TTC36: variants seen among roughly 807,000 people sequenced by gnomAD.
TTC36 encodes tetratricopeptide repeat domain 36, also known as tetratricopeptide repeat protein 36.
In TTC36, 15 loss-of-function variants were observed where a neutral mutation model predicts 17.5. That is an observed-to-expected ratio of 0.86 (90% CI 0.57 to 1.32). The LOEUF is 1.32. Ranked by LOEUF, TTC36 falls within the 40% of genes most tolerant of loss-of-function variation. The pLI is 0.00. For synonymous variants in TTC36, 112 were observed against 109.8 expected (o/e 1.02, Z -0.13); for missense variants, 292 against 260.9 (o/e 1.12, Z -0.82).
At position 118,527,519 on chromosome 11, in the gene TTC36, G is replaced by T; in HGVS notation, c.25G>T (p.Val9Leu). MGTPNDQA[V>L]LQAIFNPDTP... ...CATGGGGACTCCAAATGATCAGGCAGTGCTGCAGGCCATCTTCAACCCTGA... is the reference window on the plus strand; with the variant it reads ...CATGGGGACTCCAAATGATCAGGCATTGCTGCAGGCCATCTTCAACCCTGA... The change falls in exon 1 of 3, where the codon GTG becomes TTG. Residue 9 changes from valine to leucine, a missense_variant. Val to Leu is a conservative substitution (Grantham distance 32). Coordinates refer to ENST00000302783, the MANE Select transcript of TTC36 (RefSeq NM_001080441.4). 1.9e-6 allele frequency: 3 copies of T among 1,614,118 alleles called. No individual in the cohort carries two copies. The highest frequency in any genetic ancestry group is 2.5e-6 in the Non-Finnish European group (3 of 1,179,972).
Position 118,528,724 on chromosome 11 carries a change from G to A in TTC36, c.240G>A (p.Leu80=). The A allele has an allele frequency of 6.2e-7, 1 of 1,613,400 alleles. No homozygotes were observed. Residue 80 remains leucine, a synonymous_variant, in exon 2 of 3, where the codon CTG becomes CTA. Coordinates refer to ENST00000302783, the MANE Select transcript of TTC36 (RefSeq NM_001080441.4). The stretch of plus-strand genomic sequence containing the variant: ...AGAGGTTTGGCCAAGCCATCTGCCT[G>A]CTGCCTGAGAGGGCTTCAGCCTACA... ...ALERFGQAIC[L]LPERASAYNN... is the part of the protein sequence containing the mutation.
At chr11:118,528,878 CT>C in intron 2 of TTC36, 87 bp downstream of exon 2, 1 of 1,264,252 alleles carries the variant, frequency 7.9e-7, no homozygotes, top group South Asian at 1.7e-5. Flanking sequence ...CTGGGGTGGC[CT>C]TGCTAAACCC....
At position 118,530,041 on chromosome 11, in the gene TTC36, G is replaced by A. The variant is rs2135335274; in HGVS notation, c.308-613G>A. Among the ~76,000 whole-genome samples, 1 of 152,256 alleles carries A rather than the reference G, an allele frequency of 6.6e-6. No individual in the cohort carries two copies. The highest frequency in any genetic ancestry group is 1.9e-4 in the East Asian group (1 of 5,192). ...AGGCCAGCTCTGGCTCCAGGACCAA[G>A]GAAATTAGATACATGGAGATAACCA... On this transcript the variant is annotated intron_variant, in intron 2 of 2. Transcript: ENST00000302783. The surrounding 1 kb of genome is among the most constrained non-coding windows in gnomAD (Gnocchi z 5.8).
At chr11:118,529,899 C>T (rs1268037526) in intron 2 of TTC36, among the ~76,000 whole-genome samples, 1 of 152,196 alleles carries the variant, frequency 6.6e-6, no homozygotes, top group Non-Finnish European at 1.5e-5. Flanking sequence ...AAGCAGAGCC[C>T]GAAAGAAGCC....
chr11:118,530,567 C>A lies in TTC36; in HGVS notation c.308-87C>A. ...CGGGAGCCGCAAGAACCACGGTGAT[C>A]CGCGCGGCCGCAGGTGGGCTGGGGC... On this transcript the variant is annotated intron_variant, in intron 2 of 2. Transcript: ENST00000302783. This position sits in a 1 kb window ranked among gnomAD's most constrained non-coding sequence, Gnocchi z 5.8. The A allele has an allele frequency of 1.5e-6, 2 of 1,330,756 alleles. No individual in the cohort carries two copies. The highest frequency in any genetic ancestry group is 3.9e-5 in the South Asian group (2 of 51,338). The allele number at this position is 1,330,756 out of a possible 1,614,324, so 82.4% of individuals were successfully genotyped here.
At chr11:118,529,630 G>A (rs1555056799) in intron 2 of TTC36, among the ~76,000 whole-genome samples, 1 of 152,234 alleles carries the variant, frequency 6.6e-6, no homozygotes, top group African/African-American at 2.4e-5. Context: ...GGTGCTCCCA[G>A]AACCAGCAAT....
chr11:118,530,344 A>G lies in TTC36; in HGVS notation c.308-310A>G, dbSNP rs1452406690. 6.6e-6 allele frequency among the ~76,000 whole-genome samples: 1 copy of G among 152,264 alleles called. No homozygotes were observed. Among genetic ancestry groups the G allele is most frequent in the Non-Finnish European group, 1.5e-5 (1 of 68,050 alleles). ...AGACTCATAAACATAGTGGCCATTC[A>G]GAATCCTGCAACGTTCATGTTTTCG... is the stretch of plus-strand genomic sequence containing the variant. On this transcript the variant is annotated intron_variant, in intron 2 of 2. Transcript: ENST00000302783. The surrounding 1 kb of genome is among the most constrained non-coding windows in gnomAD (Gnocchi z 5.8).
At position 118,527,561 on chromosome 11, in the gene TTC36, A is replaced by G; in HGVS notation, c.67A>G (p.Ile23Val). 7 of 1,614,172 alleles carry G rather than the reference A, an allele frequency of 4.3e-6. No individual in the cohort carries two copies. The highest frequency in any genetic ancestry group is 1.1e-5 in the South Asian group (1 of 91,090). The change falls in exon 1 of 3, where the codon ATT becomes GTT. Residue 23 changes from isoleucine to valine, a missense_variant. Physicochemically the swap from Ile to Val is conservative, Grantham distance 29 (BLOSUM62 3). Transcript: ENST00000302783. ...CAACCCTGACACCCCATTTGGAGACATTGTTGGATTGGACCTCGGAGAGGA... is the reference window on the plus strand; with the variant it reads ...CAACCCTGACACCCCATTTGGAGACGTTGTTGGATTGGACCTCGGAGAGGA... Reference protein sequence around the residue: ...IFNPDTPFGDIVGLDLGEEAE... With the variant: ...IFNPDTPFGDVVGLDLGEEAE...
chr11:118,530,687 T>G lies in TTC36; in HGVS notation c.341T>G (p.Leu114Arg), dbSNP rs1555057313. The G allele has an allele frequency of 8.1e-6, 12 of 1,475,502 alleles. No individual in the cohort carries two copies. The highest frequency in any genetic ancestry group is 3.6e-6 in the Non-Finnish European group (4 of 1,122,212). The allele number at this position is 1,475,502 out of a possible 1,614,324, so 91.4% of individuals were successfully genotyped here. A position where few individuals can be genotyped will look rare whatever the true frequency, so the allele number is the denominator to read the frequency against. ...ALEDLERAVE[L>R]SGGRGRAARQ... ...GAGGATCTGGAACGCGCGGTGGAGC[T>G]GAGCGGCGGCCGGGGCCGCGCCGCC... The change falls in exon 3 of 3, where the codon CTG (leucine) becomes CGG (arginine). Residue 114 changes from leucine (L) to arginine (R), a missense_variant. Physicochemically the swap from Leu to Arg is moderately radical, Grantham distance 102. Transcript: ENST00000302783. This position sits in a 1 kb window ranked among gnomAD's most constrained non-coding sequence, Gnocchi z 5.8.
rs113565497 is a variant in TTC36 at position 118,528,833 on chromosome 11, G to A, written c.307+42G>A. 5.5e-4 allele frequency: 842 copies of A among 1,541,288 alleles called. 6 individuals carry two copies. The African/African-American group carries it at 8.5e-3, about 16-fold the overall frequency. On this transcript the variant is annotated intron_variant, in intron 2 of 2. Transcript: ENST00000302783. ...TGTATCCTCTGCAAAAGGGCCCACG[G>A]GAGGGCACAGACCAGAACTGAAGTG... is the stretch of plus-strand genomic sequence containing the variant.
chr11:118,530,660 T>C lies in TTC36; in HGVS notation c.314T>C (p.Leu105Pro). 6.8e-7 allele frequency: 1 copy of C among 1,464,834 alleles called. No homozygotes were observed. The allele number at this position is 1,464,834 out of a possible 1,614,324, so 90.7% of individuals were successfully genotyped here. A position where few individuals can be genotyped will look rare whatever the true frequency, so the allele number is the denominator to read the frequency against. The change falls in exon 3 of 3, where the codon CTG becomes CCG. Residue 105 changes from leucine to proline, a missense_variant. Physicochemically the swap from Leu to Pro is moderately conservative, Grantham distance 98 (BLOSUM62 -3). Coordinates refer to ENST00000302783, the MANE Select transcript of TTC36 (RefSeq NM_001080441.4). This position sits in a 1 kb window ranked among gnomAD's most constrained non-coding sequence, Gnocchi z 5.8. ...CGTCTCGTCGGTCCCGCAGGCGCCCTGGAGGATCTGGAACGCGCGGTGGAG... is the reference window on the plus strand; with the variant it reads ...CGTCTCGTCGGTCCCGCAGGCGCCCCGGAGGATCTGGAACGCGCGGTGGAG... ...RRLQGDVAGA[L>P]EDLERAVELS...
chr11:118,528,529 C>G (rs1347941785), intron 1 of TTC36, 74 bp from the exon 2 acceptor site: 8 of 1,452,114 alleles, frequency 5.5e-6, no homozygotes, highest in Non-Finnish European at 7.4e-6. Flanking sequence ...CTCAGAATTC[C>G]AAAGCCTGAG....
In TTC36 at chr11:118,530,589, G is replaced by A; in HGVS notation, c.308-65G>A. 1 of 1,356,246 alleles carries A rather than the reference G, an allele frequency of 7.4e-7. No homozygotes were observed. Among genetic ancestry groups the A allele is most frequent in the Non-Finnish European group, 9.4e-7 (1 of 1,064,702 alleles). 84.0% of individuals were successfully genotyped at this position (1,356,246 alleles called of 1,614,324 possible). A position where few individuals can be genotyped will look rare whatever the true frequency, so the allele number is the denominator to read the frequency against. On this transcript the variant is annotated intron_variant, in intron 2 of 2. Coordinates refer to ENST00000302783, the MANE Select transcript of TTC36 (RefSeq NM_001080441.4). This position sits in a 1 kb window ranked among gnomAD's most constrained non-coding sequence, Gnocchi z 5.8. ...GATCCGCGCGGCCGCAGGTGGGCTG[G>A]GGCTCGGGCAAGGCCGCCCTGGCCT...
In TTC36 at chr11:118,528,661, G is replaced by A. The variant is rs1382926836; in HGVS notation, c.177G>A (p.Val59=). 6.2e-7 allele frequency: 1 copy of A among 1,611,332 alleles called. No homozygotes were observed. The highest frequency in any genetic ancestry group is 1.3e-5 in the African/African-American group (1 of 75,044). Residue 59 remains valine (V), a synonymous_variant, in exon 2 of 3, where the codon GTG becomes GTA. Coordinates refer to ENST00000302783, the MANE Select transcript of TTC36 (RefSeq NM_001080441.4). ...EQSKALELQG[V]MAAEAGDLST... is the part of the protein sequence containing the mutation. Reference sequence around the variant, plus strand: ...CCAAGGCCCTGGAGCTGCAGGGGGTGATGGCAGCAGAGGCTGGGGACCTCA... The same window carrying A: ...CCAAGGCCCTGGAGCTGCAGGGGGTAATGGCAGCAGAGGCTGGGGACCTCA...
chr11:118,530,699 G>T lies in TTC36; in HGVS notation c.353G>T (p.Arg118Leu). Residue 118 changes from arginine to leucine, a missense_variant, in exon 3 of 3, where the codon CGG (arginine) becomes CTG (leucine). Coordinates refer to ENST00000302783, the MANE Select transcript of TTC36 (RefSeq NM_001080441.4). The surrounding 1 kb of genome is among the most constrained non-coding windows in gnomAD (Gnocchi z 5.8). ...CGCGCGGTGGAGCTGAGCGGCGGCCGGGGCCGCGCCGCCCGCCAGAGCTTT... is the reference window on the plus strand; with the variant it reads ...CGCGCGGTGGAGCTGAGCGGCGGCCTGGGCCGCGCCGCCCGCCAGAGCTTT... Reference protein sequence around the residue: ...LERAVELSGGRGRAARQSFVQ... With the variant: ...LERAVELSGGLGRAARQSFVQ... 3.4e-6 allele frequency: 5 copies of T among 1,477,416 alleles called. No homozygotes were observed. The South Asian group carries it at 6.4e-5, about 19-fold the overall frequency. The allele number at this position is 1,477,416 out of a possible 1,614,324, so 91.5% of individuals were successfully genotyped here. A position where few individuals can be genotyped will look rare whatever the true frequency, so the allele number is the denominator to read the frequency against.
Position 118,530,713 on chromosome 11 carries a change from C to T in TTC36, c.367C>T (p.Arg123Cys), listed in dbSNP as rs1951203835. 3.4e-6 allele frequency: 5 copies of T among 1,485,040 alleles called. No individual in the cohort carries two copies. Among genetic ancestry groups the T allele is most frequent in the Non-Finnish European group, 4.4e-6 (5 of 1,126,560 alleles). The allele number at this position is 1,485,040 out of a possible 1,614,324, so 92.0% of individuals were successfully genotyped here. The change falls in exon 3 of 3, where the codon CGC becomes TGC. Residue 123 changes from arginine to cysteine, a missense_variant. Coordinates refer to ENST00000302783, the MANE Select transcript of TTC36 (RefSeq NM_001080441.4). The surrounding 1 kb of genome is among the most constrained non-coding windows in gnomAD (Gnocchi z 5.8). The stretch of plus-strand genomic sequence containing the variant: ...GAGCGGCGGCCGGGGCCGCGCCGCC[C>T]GCCAGAGCTTTGTGCAGCGCGGACT... ...ELSGGRGRAA[R>C]QSFVQRGLLA...
chr11:118,530,622 C>CCCCCG lies in TTC36; in HGVS notation c.308-23_308-19dup, dbSNP rs1365485674. 3 of 1,401,468 alleles carry CCCCCG rather than the reference C, an allele frequency of 2.1e-6. No homozygotes were observed. The highest frequency in any genetic ancestry group is 9.2e-7 in the Non-Finnish European group (1 of 1,089,208). The allele number at this position is 1,401,468 out of a possible 1,614,324, so 86.8% of individuals were successfully genotyped here. A position where few individuals can be genotyped will look rare whatever the true frequency, so the allele number is the denominator to read the frequency against. The stretch of plus-strand genomic sequence containing the variant: ...GCAAGGCCGCCCTGGCCTCCGCTGA[C>CCCCCG]CCCCGCCCCGCCCGTCTCGTCGGTC... On this transcript the variant is annotated intron_variant, in intron 2 of 2. Transcript: ENST00000302783. This position sits in a 1 kb window ranked among gnomAD's most constrained non-coding sequence, Gnocchi z 5.8.
In TTC36 at chr11:118,528,801, G is replaced by C; in HGVS notation, c.307+10G>C. Reference sequence around the variant, plus strand: ...CAGGGAGACGTGGCAGGTAAGGGGAGATGCCCTGTATCCTCTGCAAAAGGG... The same window carrying C: ...CAGGGAGACGTGGCAGGTAAGGGGACATGCCCTGTATCCTCTGCAAAAGGG... On this transcript the variant is annotated intron_variant, in intron 2 of 2. Transcript: ENST00000302783. The C allele has an allele frequency of 6.3e-7, 1 of 1,598,322 alleles. No homozygotes were observed. Among genetic ancestry groups the C allele is most frequent in the Non-Finnish European group, 8.5e-7 (1 of 1,171,876 alleles).
In TTC36 at chr11:118,530,329, A is replaced by G. The variant is rs146727135; in HGVS notation, c.308-325A>G. ...CCCGGGCAGTGGGCCAGACTCATAAACATAGTGGCCATTCAGAATCCTGCA... is the reference window on the plus strand; with the variant it reads ...CCCGGGCAGTGGGCCAGACTCATAAGCATAGTGGCCATTCAGAATCCTGCA... On this transcript the variant is annotated intron_variant, in intron 2 of 2. Transcript: ENST00000302783. This position sits in a 1 kb window ranked among gnomAD's most constrained non-coding sequence, Gnocchi z 5.8. Among the ~76,000 whole-genome samples the G allele has an allele frequency of 4.3e-3, 649 of 152,358 alleles. 3 individuals are homozygous for G. The highest frequency in any genetic ancestry group is 0.012 in the African/African-American group (515 of 41,582).
Sources: gnomAD v4.1 joint callset for allele counts (sites outside exome capture counted in the v4.1 genomes callset) on GRCh38, gnomAD v4.1.1 for gene constraint, Gnocchi (gnomAD v3.1) non-coding constraint, MANE v1.5 for transcripts, NCBI Gene and HGNC (gene_info 2026-07-23, HGNC 2026-07-21) for gene names.